The following ANKS1B variants were observed in gnomAD, a reference collection of about 807,000 sequenced individuals.
ANKS1B encodes the protein ankyrin repeat and sterile alpha motif domain containing 1B.
In ANKS1B, 36 loss-of-function variants were observed where a neutral mutation model predicts 148.3. The observed-to-expected ratio is 0.24, with a 90% CI of 0.19 to 0.32. The LOEUF (loss-of-function observed/expected upper bound fraction) is 0.32, where lower values mean the gene tolerates loss of function less well. Ranked by LOEUF, ANKS1B falls within the 10% of genes least tolerant of loss-of-function variation. The pLI, the probability that ANKS1B is intolerant of heterozygous loss-of-function variation, is 1.00. For synonymous variants in ANKS1B, 542 were observed against 560.8 expected, an observed-to-expected ratio of 0.97 and a Z score of 0.47; for missense variants, 1,157 against 1,542.6, an observed-to-expected ratio of 0.75 and a Z score of 4.19.
intron 9 of ANKS1B, 67 bp from the exon 10 acceptor site, chr12:99,504,708 T>G: frequency 8.3e-7 from 1 of 1,209,026 alleles, no homozygotes; most frequent in Non-Finnish European, 1.1e-6. Flanking sequence ...TTATAAAAAC[T>G]AGAAAAGATA....
At chr12:99,126,689 T>C (rs753802840) in intron 15 of ANKS1B, among the ~76,000 whole-genome samples, 14 of 152,230 alleles carry the variant, frequency 9.2e-5, no homozygotes, top group Non-Finnish European at 1.8e-4. Flanking sequence ...TATTTTTTAA[T>C]TTTCTTTGCA....
At chr12:99,169,928 G>A (rs1175782647) in intron 14 of ANKS1B, among the ~76,000 whole-genome samples, 1 of 152,154 alleles carries the variant, frequency 6.6e-6, no homozygotes, top group Non-Finnish European at 1.5e-5. Context: ...TGGGAAACTT[G>A]TCCTTTTGCA....
At chr12:99,591,746 C>T (rs373815828) in intron 9 of ANKS1B, among the ~76,000 whole-genome samples, 1 of 152,044 alleles carries the variant, frequency 6.6e-6, no homozygotes. Flanking sequence ...AAGGGTAGCA[C>T]AAGTTTGATA....
chr12:99,526,426 T>C (rs985713416), intron 9 of ANKS1B, among the ~76,000 whole-genome samples: 1 of 152,194 alleles, frequency 6.6e-6, no homozygotes, highest in Non-Finnish European at 1.5e-5. Context: ...TGCATAATTA[T>C]TACTCTATCT....
chr12:99,867,474 G>C (rs1935888978), intron 1 of ANKS1B, among the ~76,000 whole-genome samples: 1 of 152,152 alleles, frequency 6.6e-6, no homozygotes, highest in Non-Finnish European at 1.5e-5. Flanking sequence ...TGGCTAGGAA[G>C]GCCTCACAAT....
chr12:99,578,605 A>G (rs1337743254), intron 9 of ANKS1B, among the ~76,000 whole-genome samples: 1 of 152,158 alleles, frequency 6.6e-6, no homozygotes, highest in Non-Finnish European at 1.5e-5. Flanking sequence ...CACAACAGCC[A>G]CAAAAAGAAT....
At chr12:98,743,423 A>C (rs2097820242), downstream of ANKS1B, among the ~76,000 whole-genome samples, 1 of 152,190 alleles carries the variant, frequency 6.6e-6, no homozygotes, top group South Asian at 2.1e-4. Flanking sequence ...TTGAGTAATG[A>C]TGTTAGCATT....
chr12:99,198,517 A>G (rs1314442764), intron 14 of ANKS1B, among the ~76,000 whole-genome samples: 1 of 152,198 alleles, frequency 6.6e-6, no homozygotes, highest in Non-Finnish European at 1.5e-5. Context: ...TAGCAGGTAC[A>G]TTTTTATTAT....
At position 99,586,993 on chromosome 12, in the gene ANKS1B, CAT is replaced by C. The variant is rs148452414; in HGVS notation, c.1272+68072_1272+68073del. ...GGACAGAACCAAACCATACACAAAA[CAT>C]ATATATATATATTTGCTACTAAGAG... On this transcript the variant is annotated intron_variant, in intron 9 of 26. Coordinates refer to ENST00000683438, the MANE Select transcript of ANKS1B (RefSeq NM_001352186.2). 4.2e-3 allele frequency among the ~76,000 whole-genome samples: 637 copies of C among 151,126 alleles called. 7 individuals carry two copies. Among genetic ancestry groups the C allele is most frequent in the African/African-American group, 0.015 (614 of 41,244 alleles).
chr12:99,878,224 G>C (rs2092255390), intron 1 of ANKS1B, among the ~76,000 whole-genome samples: 1 of 152,106 alleles, frequency 6.6e-6, no homozygotes, highest in Non-Finnish European at 1.5e-5. Flanking sequence ...ATCTTGTTCA[G>C]GTTTCAAATG....
intron 9 of ANKS1B, among the ~76,000 whole-genome samples, chr12:99,524,173 A>G (rs544812750): frequency 3.9e-5 from 6 of 152,342 alleles, no homozygotes; most frequent in Admixed American, 3.3e-4. Flanking sequence ...GAAGATTTAC[A>G]ATGACATTCA....
chr12:99,685,111 G>T (rs946452070), intron 8 of ANKS1B, among the ~76,000 whole-genome samples: 3 of 152,200 alleles, frequency 2.0e-5, no homozygotes, highest in Admixed American at 2.0e-4. Flanking sequence ...CACAGCAAAA[G>T]AAATAATCAG....
intron 16 of ANKS1B, among the ~76,000 whole-genome samples, chr12:99,070,441 A>G (rs1295738687): frequency 2.0e-5 from 3 of 152,182 alleles, no homozygotes; most frequent in Non-Finnish European, 2.9e-5. Flanking sequence ...TGGGTTTGAA[A>G]TATTTGACTC....
intron 14 of ANKS1B, 79 bp downstream of exon 14, chr12:99,244,262 AT>A (rs2089906379): frequency 1.0e-6 from 1 of 962,114 alleles, no homozygotes; most frequent in Non-Finnish European, 1.6e-6. Flanking sequence ...AAAAAATGCA[AT>A]TATCTAAAGA....
At chr12:99,456,148 C>A (rs1030091624) in intron 10 of ANKS1B, among the ~76,000 whole-genome samples, 2 of 152,088 alleles carry the variant, frequency 1.3e-5, no homozygotes, top group Non-Finnish European at 2.9e-5. Context: ...AGTAGCTCCA[C>A]TGGGAGGCTA....
chr12:99,749,053 C>G (rs2060862752), intron 8 of ANKS1B, among the ~76,000 whole-genome samples: 2 of 152,050 alleles, frequency 1.3e-5, no homozygotes, highest in South Asian at 2.1e-4. Flanking sequence ...TTGTACTGAC[C>G]CTGTGGGACA....
At chr12:99,968,770 G>C (rs931430387) in intron 1 of ANKS1B, among the ~76,000 whole-genome samples, 1 of 152,154 alleles carries the variant, frequency 6.6e-6, no homozygotes, top group Non-Finnish European at 1.5e-5. Context: ...CCTCATGAAC[G>C]GCTTAGCAGC....
At chr12:98,943,136 T>C (rs529204283) in intron 17 of ANKS1B, among the ~76,000 whole-genome samples, 2 of 152,340 alleles carry the variant, frequency 1.3e-5, no homozygotes, top group African/African-American at 2.4e-5. Context: ...GATTACTGGG[T>C]AGTACACTGC....
intron 8 of ANKS1B, among the ~76,000 whole-genome samples, chr12:99,755,564 A>G (rs2061485959): frequency 6.7e-6 from 1 of 149,052 alleles, no homozygotes; most frequent in Non-Finnish European, 1.5e-5. Context: ...TCACACCAAT[A>G]TCCTTCAGGA....
Sources: allele counts gnomAD v4.1 joint callset (sites outside exome capture counted in the v4.1 genomes callset), GRCh38; gene constraint gnomAD v4.1.1; transcripts MANE v1.5; gene names NCBI Gene and HGNC (gene_info 2026-07-23, HGNC 2026-07-21).